Variants in UNC13B observed in about 807,000 individuals in gnomAD.
The protein encoded by UNC13B is protein unc-13 homolog B.
In UNC13B, 144 loss-of-function variants were observed where a neutral mutation model predicts 211.0. The observed-to-expected ratio is 0.68, with a 90% CI of 0.60 to 0.78. UNC13B has a LOEUF of 0.78. UNC13B is among the 30% of genes least tolerant of loss of function. The pLI is 0.00. For missense variants in UNC13B, 1,777 were observed against 2,002.0 expected (o/e 0.89, Z 2.14); for synonymous variants, 709 against 725.8 (o/e 0.98, Z 0.37).
At chr9:35,190,966 T>C (rs1361281758) in intron 1 of UNC13B, among the ~76,000 whole-genome samples, 2 of 152,176 alleles carry the variant, frequency 1.3e-5, no homozygotes, top group Non-Finnish European at 2.9e-5. Flanking sequence ...ATTTTCTTTT[T>C]TCTTTTTTTT....
rs1165416361 is a variant in UNC13B, at chr9:35,378,297, G to A, written c.10066G>A (p.Val3356Met). The A allele has an allele frequency of 1.9e-6, 3 of 1,614,046 alleles. No individual in the cohort carries two copies. The highest frequency in any genetic ancestry group is 2.2e-5 in the South Asian group (2 of 91,084). ...TCCTATACATGCTTGGGTTGCAGTG[G>A]TGTGTGCCCAGGGCCTACAAGCCAA... ...KWSAKITITV[V>M]CAQGLQAKDK... is the part of the protein sequence containing the mutation. Residue 3356 changes from valine (V) to methionine (M), a missense_variant and splice_region_variant, in exon 17 of 40, where the codon GTG becomes ATG. Val to Met is a conservative substitution (Grantham distance 21, BLOSUM62 1). Transcript: ENST00000635942.
At chr9:35,396,693 G>A in intron 27 of UNC13B, 91 bp downstream of exon 27, 1 of 1,599,754 alleles carries the variant, frequency 6.3e-7, no homozygotes, top group Non-Finnish European at 8.5e-7. Context: ...GCCAGTCTCG[G>A]GGACTGCCTG....
intron 1 of UNC13B, among the ~76,000 whole-genome samples, chr9:35,174,116 C>T (rs1821480555): frequency 6.7e-6 from 1 of 149,330 alleles, no homozygotes; most frequent in Admixed American, 6.8e-5. Flanking sequence ...AGACAGGGAG[C>T]TGAAAGTCTT....
intron 7 of UNC13B, among the ~76,000 whole-genome samples, chr9:35,287,950 T>G (rs983398398): frequency 1.3e-5 from 2 of 152,122 alleles, no homozygotes; most frequent in African/African-American, 4.8e-5. Flanking sequence ...CCATGTTGTA[T>G]TTTTTTCTCG....
At chr9:35,203,932 G>A (rs1290870016) in intron 1 of UNC13B, among the ~76,000 whole-genome samples, 2 of 152,250 alleles carry the variant, frequency 1.3e-5, no homozygotes, top group South Asian at 4.1e-4. Context: ...GACCTTGAAG[G>A]CGTTTCAGAG....
chr9:35,400,127 T>C (rs1475869561), intron 36 of UNC13B, among the ~76,000 whole-genome samples, 169 bp from the exon 37 acceptor site: 1 of 152,172 alleles, frequency 6.6e-6, no homozygotes, highest in Admixed American at 6.5e-5. Context: ...CCCCTACTAA[T>C]CCTGCCAAAT....
intron 1 of UNC13B, among the ~76,000 whole-genome samples, chr9:35,183,433 C>T (rs1325201420): frequency 3.1e-5 from 4 of 127,332 alleles, no homozygotes; most frequent in Admixed American, 1.6e-4. Flanking sequence ...AGATGAAGGG[C>T]GGCCGGGCAG....
chr9:35,221,118 G>C (rs1410790450), intron 1 of UNC13B, among the ~76,000 whole-genome samples: 1 of 152,036 alleles, frequency 6.6e-6, no homozygotes, highest in Non-Finnish European at 1.5e-5. Flanking sequence ...ACCCAGGCTG[G>C]AGTGCGGTGG....
intron 1 of UNC13B, among the ~76,000 whole-genome samples, chr9:35,199,422 T>A (rs1463578921): frequency 6.6e-6 from 1 of 152,164 alleles, no homozygotes; most frequent in East Asian, 1.9e-4. Flanking sequence ...CGCCACACTG[T>A]CTTCCACAAT....
chr9:35,215,508 A>G (rs185586966), intron 1 of UNC13B, among the ~76,000 whole-genome samples: 1 of 152,228 alleles, frequency 6.6e-6, no homozygotes, highest in East Asian at 1.9e-4. Flanking sequence ...GTTCCTGACA[A>G]CAATAGGATG....
chr9:35,168,993 A>C (rs1388383551), intron 1 of UNC13B, among the ~76,000 whole-genome samples: 1 of 152,070 alleles, frequency 6.6e-6, no homozygotes. Flanking sequence ...AAACAGAACA[A>C]AACAATGTCA....
rs185665673 is a variant in UNC13B, at chr9:35,261,101, A to C, written c.526+2051A>C. On this transcript the variant is annotated intron_variant, in intron 7 of 39. Transcript: ENST00000635942. ...ATTTTGAGAAATGTTAAACCTATAG[A>C]AAAGTTGAAAGAACAGTACCAAGAG... 2.6e-5 allele frequency among the ~76,000 whole-genome samples: 4 copies of C among 152,258 alleles called. No homozygotes were observed. The East Asian group carries it at 7.7e-4, about 29-fold the overall frequency.
At chr9:35,315,725 A>G (rs1830417597) in intron 11 of UNC13B, among the ~76,000 whole-genome samples, 1 of 152,162 alleles carries the variant, frequency 6.6e-6, no homozygotes, top group Non-Finnish European at 1.5e-5. Flanking sequence ...CCAGAATCCA[A>G]TCCAGAATGA....
intron 7 of UNC13B, among the ~76,000 whole-genome samples, chr9:35,278,017 G>A (rs112057958): frequency 0.016 from 2,506 of 152,250 alleles, 52 homozygotes; most frequent in African/African-American, 0.058. Flanking sequence ...AGAACTAATC[G>A]AGATGTGTTC....
chr9:35,280,484 T>A (rs902144128), intron 7 of UNC13B, among the ~76,000 whole-genome samples: 1 of 152,146 alleles, frequency 6.6e-6, no homozygotes, highest in Non-Finnish European at 1.5e-5. Flanking sequence ...ACTAAGACTC[T>A]GAGAGACACG....
intron 1 of UNC13B, among the ~76,000 whole-genome samples, chr9:35,190,054 A>G (rs1347592889): frequency 6.6e-6 from 1 of 152,200 alleles, no homozygotes; most frequent in Non-Finnish European, 1.5e-5. Flanking sequence ...TTAGGGCCTA[A>G]GAAGCAGGCA....
chr9:35,234,806 C>A lies in UNC13B; in HGVS notation c.153-1663C>A, dbSNP rs529749746. On this transcript the variant is annotated intron_variant, in intron 3 of 39. Coordinates refer to ENST00000635942, the MANE Select transcript of UNC13B (RefSeq NM_001371189.2). ...TTCTTTGCTTTATTCATTTTCAACA[C>A]CTGACATGAATTCTGTGGCTGTCAT... is the stretch of plus-strand genomic sequence containing the variant. Among the ~76,000 whole-genome samples the A allele has an allele frequency of 6.1e-4, 93 of 152,312 alleles. 1 individual carries two copies. The highest frequency in any genetic ancestry group is 1.2e-3 in the Non-Finnish European group (83 of 68,022).
intron 10 of UNC13B, among the ~76,000 whole-genome samples, chr9:35,311,586 C>A: frequency 6.6e-6 from 1 of 152,166 alleles, no homozygotes; most frequent in Admixed American, 6.5e-5. Context: ...ACCTATTCTG[C>A]TGGTATGGGC....
chr9:35,314,138 G>A (rs1159527643), intron 11 of UNC13B, 149 bp downstream of exon 11: 5 of 689,496 alleles, frequency 7.3e-6, no homozygotes, highest in South Asian at 1.7e-5. Flanking sequence ...TTAAGGGATG[G>A]GAAGTGGCCA....
Sources: gnomAD v4.1 joint callset for allele counts (sites outside exome capture counted in the v4.1 genomes callset) on GRCh38, gnomAD v4.1.1 for gene constraint, MANE v1.5 for transcripts, NCBI Gene and HGNC (gene_info 2026-07-23, HGNC 2026-07-21) for gene names.